GARIN5A: variants seen among roughly 807,000 people sequenced by gnomAD.
GARIN5A encodes golgi associated RAB2 interactor 5A, also known as Golgi-associated RAB2 interactor protein 5A.
At chr19:50,476,159 G>T in the GARIN5A span, 1 of 1,613,624 alleles carries the variant, frequency 6.2e-7, no homozygotes, top group Non-Finnish European at 8.5e-7. Context: ...CACCTCGCCA[G>T]CTCCACCCAG....
the GARIN5A span, chr19:50,476,069 C>T: frequency 6.2e-7 from 1 of 1,608,836 alleles, no homozygotes; most frequent in East Asian, 2.2e-5. Context: ...AATTGCCGGC[C>T]CCATCCTACT....
chr19:50,475,499 C>A, the GARIN5A span: 2 of 1,554,510 alleles, frequency 1.3e-6, no homozygotes, highest in Non-Finnish European at 1.7e-6. Context: ...GATGTCGGGG[C>A]AGAACTGAGG....
At chr19:50,476,577 G>A in the GARIN5A span, 7 of 1,575,784 alleles carry the variant, frequency 4.4e-6, no homozygotes, top group Non-Finnish European at 6.0e-6. Context: ...CAACCCGGCT[G>A]CTCCTGCTCT....
chr19:50,475,950 T>G, the GARIN5A span: 2 of 1,611,082 alleles, frequency 1.2e-6, no homozygotes, highest in South Asian at 2.2e-5. Context: ...CCAGGAGGCA[T>G]TTTACCAGGA....
chr19:50,476,009 A>G, the GARIN5A span: 14 of 1,602,294 alleles, frequency 8.7e-6, no homozygotes, highest in East Asian at 3.1e-4. Context: ...TTCCCAACTG[A>G]GAGGGCCCGG....
chr19:50,476,291 G>A, the GARIN5A span: 18 of 1,603,676 alleles, frequency 1.1e-5, no homozygotes, highest in Non-Finnish European at 1.5e-5. Context: ...ATGATGCGGA[G>A]CGGGCTTTAT....
chr19:50,470,671 T>C, the GARIN5A span, among the ~76,000 whole-genome samples: 16 of 150,692 alleles, frequency 1.1e-4, no homozygotes, highest in Non-Finnish European at 2.1e-4. Context: ...TTTTTTTTTT[T>C]TGAGATGGAG....
the GARIN5A span, chr19:50,476,690 C>T: frequency 2.2e-6 from 3 of 1,374,512 alleles, no homozygotes; most frequent in Non-Finnish European, 2.9e-6. Context: ...ATAGCGGGCG[C>T]GGTCTACGGA....
At chr19:50,470,594 G>A in the GARIN5A span, among the ~76,000 whole-genome samples, 1 of 151,636 alleles carries the variant, frequency 6.6e-6, no homozygotes, top group South Asian at 2.1e-4. Flanking sequence ...AAACGGATAT[G>A]GGTGTCGTGC....
the GARIN5A span, chr19:50,475,474 G>T: frequency 1.9e-6 from 3 of 1,594,182 alleles, no homozygotes; most frequent in Admixed American, 5.1e-5. Flanking sequence ...AGAGGTCAGA[G>T]GTCGGGGCAG....
At chr19:50,475,042 A>G in the GARIN5A span, among the ~76,000 whole-genome samples, 3 of 152,242 alleles carry the variant, frequency 2.0e-5, no homozygotes, top group South Asian at 6.2e-4. Flanking sequence ...TGCGCGGCCT[A>G]GGGGCGTCTG....
At chr19:50,469,619 C>T in the GARIN5A span, among the ~76,000 whole-genome samples, 2 of 152,116 alleles carry the variant, frequency 1.3e-5, no homozygotes, top group Non-Finnish European at 2.9e-5. Context: ...GCCCGCAGCC[C>T]GATTTAAGGT....
chr19:50,471,181 T>C, the GARIN5A span, among the ~76,000 whole-genome samples: 1 of 152,000 alleles, frequency 6.6e-6, no homozygotes, highest in South Asian at 2.1e-4. Context: ...CCCAGGCTGG[T>C]CTCCAACTCC....
chr19:50,475,589 T>A, the GARIN5A span: 2 of 867,154 alleles, frequency 2.3e-6, no homozygotes, highest in African/African-American at 3.3e-5. Flanking sequence ...GGGCCAGATA[T>A]CTTGAAATTA....
chr19:50,471,754 A>G, the GARIN5A span, among the ~76,000 whole-genome samples: 2 of 79,664 alleles, frequency 2.5e-5, no homozygotes, highest in Non-Finnish European at 4.7e-5. Flanking sequence ...GCATACATGC[A>G]TGTGTATACG....
chr19:50,476,772 G>T, the GARIN5A span: 3 of 685,540 alleles, frequency 4.4e-6, no homozygotes, highest in Admixed American at 7.1e-5. Flanking sequence ...GGGAAGAGGT[G>T]GGAGATCCCT....
At chr19:50,470,100 G>A in the GARIN5A span, among the ~76,000 whole-genome samples, 2 of 152,230 alleles carry the variant, frequency 1.3e-5, no homozygotes, top group African/African-American at 2.4e-5. Flanking sequence ...GCCAGGATTT[G>A]AAACCAAGCC....
At chr19:50,471,922 A>G in the GARIN5A span, among the ~76,000 whole-genome samples, 3 of 151,640 alleles carry the variant, frequency 2.0e-5, no homozygotes, top group African/African-American at 7.3e-5. Flanking sequence ...GTATATGTGT[A>G]TATACATGTA....
chr19:50,472,135 T>C, the GARIN5A span, among the ~76,000 whole-genome samples: 3 of 136,492 alleles, frequency 2.2e-5, no homozygotes, highest in Non-Finnish European at 1.5e-5. Flanking sequence ...TACGTGTGTA[T>C]ATGTATGTAT....
Sources: allele counts gnomAD v4.1 joint callset (sites outside exome capture counted in the v4.1 genomes callset), GRCh38; gene constraint gnomAD v4.1.1; transcripts MANE v1.5; gene names NCBI Gene and HGNC (gene_info 2026-07-23, HGNC 2026-07-21).